SLC36A1: variants seen among roughly 807,000 people sequenced by gnomAD.
SLC36A1 encodes solute carrier family 36 member 1, also known as proton-coupled amino acid transporter 1.
A neutral mutation model predicts 47.5 loss-of-function variants in SLC36A1; 30 were observed. The observed-to-expected ratio is 0.63, with a 90% CI of 0.47 to 0.86. The LOEUF (loss-of-function observed/expected upper bound fraction) is 0.86, where lower values mean the gene tolerates loss of function less well. Ranked by LOEUF, SLC36A1 falls within the 40% of genes least tolerant of loss-of-function variation. The pLI, the probability that SLC36A1 is intolerant of heterozygous loss-of-function variation, is 0.00. For synonymous variants in SLC36A1, 255 were observed against 249.7 expected (o/e 1.02, Z -0.20); for missense variants, 517 against 606.0 (o/e 0.85, Z 1.54).
At chr5:151,529,835 C>G in the SLC36A1 span, among the ~76,000 whole-genome samples, 1 of 152,132 alleles carries the variant, frequency 6.6e-6, no homozygotes, top group South Asian at 2.1e-4. Flanking sequence ...TTCATTAATA[C>G]TCAAAGTTGC....
At chr5:151,487,218 G>T (rs74613875) in intron 10 of SLC36A1, among the ~76,000 whole-genome samples, 6,147 of 152,290 alleles carry the variant, frequency 0.04, 409 homozygotes, top group African/African-American at 0.14. Context: ...ACTAGGATGG[G>T]TGTATTCGGT....
chr5:151,506,783 C>T, the SLC36A1 span, among the ~76,000 whole-genome samples: 1 of 152,242 alleles, frequency 6.6e-6, no homozygotes, highest in Non-Finnish European at 1.5e-5. Flanking sequence ...GGCTGCTGCA[C>T]TTCCACACTG....
At chr5:151,417,194 G>A in the SLC36A1 span, among the ~76,000 whole-genome samples, 25,539 of 152,214 alleles carry the variant, frequency 0.17, 2,385 homozygotes, top group East Asian at 0.38. Context: ...TGAAAATGTG[G>A]AAATTATTTT....
intron 1 of SLC36A1, among the ~76,000 whole-genome samples, chr5:151,453,880 T>C (rs1215038751): frequency 4.6e-5 from 7 of 151,822 alleles, no homozygotes; most frequent in Admixed American, 2.6e-4. Context: ...AAATTTATTT[T>C]ATTTTTAAAA....
the SLC36A1 span, chr5:151,550,662 G>A: frequency 2.1e-5 from 34 of 1,614,200 alleles, no homozygotes; most frequent in Non-Finnish European, 2.5e-5. Context: ...GGACACCACT[G>A]CTTGGGTCCA....
At chr5:151,376,651 A>G in the SLC36A1 span, among the ~76,000 whole-genome samples, 1 of 149,870 alleles carries the variant, frequency 6.7e-6, no homozygotes, top group Admixed American at 6.6e-5. Flanking sequence ...TTTTTTTTTG[A>G]GATGGAGTTT....
chr5:151,530,167 C>T, the SLC36A1 span, among the ~76,000 whole-genome samples: 7 of 151,706 alleles, frequency 4.6e-5, no homozygotes, highest in Admixed American at 2.0e-4. Flanking sequence ...CTATAATGGC[C>T]TTATATACCC....
At chr5:151,393,743 T>A in the SLC36A1 span, among the ~76,000 whole-genome samples, 1 of 152,190 alleles carries the variant, frequency 6.6e-6, no homozygotes, top group Non-Finnish European at 1.5e-5. Flanking sequence ...CACTCTCTTC[T>A]GGCTTGTAGA....
chr5:151,517,899 T>C, the SLC36A1 span: 1 of 1,117,348 alleles, frequency 8.9e-7, no homozygotes, highest in Non-Finnish European at 1.3e-6. Context: ...GAAACTAGGC[T>C]GGGTGTGGGG....
chr5:151,505,124 G>C, the SLC36A1 span: 3 of 262,320 alleles, frequency 1.1e-5, no homozygotes, highest in African/African-American at 2.3e-5. Flanking sequence ...TGTACGGCCC[G>C]CGTAGTGGTT....
the SLC36A1 span, among the ~76,000 whole-genome samples, chr5:151,526,826 CAT>C: frequency 6.6e-6 from 1 of 152,180 alleles, no homozygotes; most frequent in Non-Finnish European, 1.5e-5. Flanking sequence ...GAAAATTACT[CAT>C]AGAATCCCAA....
intron 1 of SLC36A1, among the ~76,000 whole-genome samples, chr5:151,448,419 A>G (rs2127447202): frequency 1.3e-5 from 2 of 152,058 alleles, no homozygotes; most frequent in East Asian, 3.9e-4. Context: ...AGCTGTCTGC[A>G]TTTTCCACCG....
the SLC36A1 span, among the ~76,000 whole-genome samples, chr5:151,555,810 G>A: frequency 6.6e-6 from 1 of 152,182 alleles, no homozygotes; most frequent in South Asian, 2.1e-4. Context: ...GTGAAGGACA[G>A]CTCAGGAGGG....
chr5:151,507,750 T>C, the SLC36A1 span: 1 of 702,060 alleles, frequency 1.4e-6, no homozygotes, highest in East Asian at 2.7e-5. Context: ...AAAGTAACTA[T>C]CAAGCATATC....
upstream of SLC36A1, among the ~76,000 whole-genome samples, chr5:151,433,213 C>G (rs71588017): frequency 1.2e-4 from 10 of 85,638 alleles, no homozygotes; most frequent in African/African-American, 4.2e-4. Flanking sequence ...ACTAAAACTT[C>G]TGAATAACAT....
At chr5:151,417,216 A>G in the SLC36A1 span, among the ~76,000 whole-genome samples, 1 of 152,258 alleles carries the variant, frequency 6.6e-6, no homozygotes, top group African/African-American at 2.4e-5. Context: ...GAACTGGATA[A>G]TGGGCAGAAG....
the SLC36A1 span, among the ~76,000 whole-genome samples, chr5:151,501,038 T>C: frequency 6.6e-6 from 1 of 152,172 alleles, no homozygotes; most frequent in African/African-American, 2.4e-5. Flanking sequence ...GGAGGTGCTG[T>C]GTGGACATCC....
the SLC36A1 span, among the ~76,000 whole-genome samples, chr5:151,392,996 G>C: frequency 6.6e-6 from 1 of 152,004 alleles, no homozygotes; most frequent in East Asian, 1.9e-4. Flanking sequence ...AATGTTGACA[G>C]TGGGGTATTA....
the SLC36A1 span, among the ~76,000 whole-genome samples, chr5:151,414,208 C>T: frequency 1.4e-5 from 2 of 146,314 alleles, no homozygotes; most frequent in African/African-American, 2.8e-5. Flanking sequence ...CTGTGTGACT[C>T]AGGGAACGAT....
Sources: gnomAD v4.1 joint callset for allele counts (sites outside exome capture counted in the v4.1 genomes callset) on GRCh38, gnomAD v4.1.1 for gene constraint, MANE v1.5 for transcripts, NCBI Gene and HGNC (gene_info 2026-07-23, HGNC 2026-07-21) for gene names.